DCC: variants seen among roughly 807,000 people sequenced by gnomAD.
DCC encodes the protein netrin receptor DCC.
In DCC, 58 loss-of-function variants were observed where a neutral mutation model predicts 172.5. That is an observed-to-expected ratio of 0.34 (90% CI 0.27 to 0.42). The LOEUF (loss-of-function observed/expected upper bound fraction) is 0.42. Among genes scored for constraint, DCC ranks in the 10% least tolerant of loss-of-function variants. DCC has a pLI of 1.00. For synonymous variants in DCC, 709 were observed against 644.5 expected, an observed-to-expected ratio of 1.10 and a Z score of -1.52; for missense variants, 1,740 against 1,791.0, an observed-to-expected ratio of 0.97 and a Z score of 0.51.
chr18:53,294,495 G>C (rs545795969), intron 12 of DCC, among the ~76,000 whole-genome samples: 1 of 152,178 alleles, frequency 6.6e-6, no homozygotes, highest in Non-Finnish European at 1.5e-5. Flanking sequence ...GGTTCAGAGC[G>C]CTAAATCAGG....
intron 5 of DCC, among the ~76,000 whole-genome samples, chr18:53,017,334 T>A (rs542868581): frequency 6.6e-6 from 1 of 152,160 alleles, no homozygotes; most frequent in African/African-American, 2.4e-5. Flanking sequence ...CCAGTAAAAA[T>A]TAAAATTAAT....
At chr18:52,937,061 A>G (rs1419958420) in intron 5 of DCC, among the ~76,000 whole-genome samples, 1 of 152,138 alleles carries the variant, frequency 6.6e-6, no homozygotes, top group African/African-American at 2.4e-5. Flanking sequence ...CTGGATTACC[A>G]AACAATGCTT....
chr18:53,164,593 G>A (rs2054889401), intron 8 of DCC, among the ~76,000 whole-genome samples: 2 of 152,136 alleles, frequency 1.3e-5, no homozygotes, highest in African/African-American at 2.4e-5. Flanking sequence ...CCAATTACTA[G>A]TGACTTTGTT....
intron 2 of DCC, among the ~76,000 whole-genome samples, chr18:52,798,941 G>A (rs1183934734): frequency 2.6e-5 from 4 of 151,920 alleles, no homozygotes; most frequent in Non-Finnish European, 5.9e-5. Flanking sequence ...TAGAGATGAG[G>A]TTTCACTATG....
At chr18:53,257,002 G>A (rs1387678519) in intron 12 of DCC, among the ~76,000 whole-genome samples, 1 of 152,080 alleles carries the variant, frequency 6.6e-6, no homozygotes, top group African/African-American at 2.4e-5. Context: ...CTCATGATTT[G>A]GCTCTCTGTT....
intron 1 of DCC, among the ~76,000 whole-genome samples, chr18:52,446,485 T>C (rs951324103): frequency 1.3e-5 from 2 of 152,246 alleles, no homozygotes; most frequent in African/African-American, 4.8e-5. Context: ...AGATTTTTCA[T>C]TGACTTTGGC....
At chr18:53,396,733 A>T (rs1397004076) in intron 17 of DCC, among the ~76,000 whole-genome samples, 2 of 152,214 alleles carry the variant, frequency 1.3e-5, no homozygotes, top group African/African-American at 2.4e-5. Flanking sequence ...TAGAACTCTA[A>T]TCAATTAACT....
chr18:53,434,202 A>G (rs553310748), intron 21 of DCC, among the ~76,000 whole-genome samples: 15 of 152,284 alleles, frequency 9.9e-5, no homozygotes, highest in African/African-American at 3.1e-4. Context: ...GGCTTTCTCT[A>G]TGTCATCCAC....
intron 7 of DCC, among the ~76,000 whole-genome samples, chr18:53,071,132 A>G (rs2042645965): frequency 6.6e-6 from 1 of 152,206 alleles, no homozygotes; most frequent in South Asian, 2.1e-4. Context: ...AGTACAGACA[A>G]TGACCTATTT....
intron 5 of DCC, among the ~76,000 whole-genome samples, chr18:53,047,459 ATATAC>A (rs2042268210): frequency 9.6e-6 from 1 of 104,548 alleles, no homozygotes; most frequent in Non-Finnish European, 1.9e-5. Context: ...ATATATATAT[ATATAC>A]CATTTTTGCT....
At chr18:53,285,741 G>A (rs189584632) in intron 12 of DCC, among the ~76,000 whole-genome samples, 11 of 152,160 alleles carry the variant, frequency 7.2e-5, no homozygotes, top group African/African-American at 2.2e-4. Context: ...AGCCACAAAC[G>A]CTCAATGCTG....
chr18:52,595,788 T>C (rs1038623092), intron 1 of DCC, among the ~76,000 whole-genome samples: 3 of 152,184 alleles, frequency 2.0e-5, no homozygotes, highest in Admixed American at 1.3e-4. Context: ...ATTTCTGGGG[T>C]AGATCTCTGA....
intron 1 of DCC, among the ~76,000 whole-genome samples, chr18:52,742,446 T>A (rs2036838116): frequency 6.6e-6 from 1 of 152,222 alleles, no homozygotes; most frequent in Non-Finnish European, 1.5e-5. Flanking sequence ...ATTATTAGGC[T>A]GTTTATTATT....
At chr18:52,642,763 A>G (rs1229241905) in intron 1 of DCC, among the ~76,000 whole-genome samples, 2 of 152,140 alleles carry the variant, frequency 1.3e-5, no homozygotes, top group Non-Finnish European at 2.9e-5. Flanking sequence ...TCCTGGGTTG[A>G]GGCAATCATC....
At chr18:53,362,510 A>C (rs1244327384) in intron 15 of DCC, among the ~76,000 whole-genome samples, 1 of 152,174 alleles carries the variant, frequency 6.6e-6, no homozygotes, top group Non-Finnish European at 1.5e-5. Context: ...AAGGAACATA[A>C]TGGCCACTCA....
At chr18:52,362,881 T>TTTCC (rs936533414) in intron 1 of DCC, among the ~76,000 whole-genome samples, 3 of 152,244 alleles carry the variant, frequency 2.0e-5, no homozygotes, top group African/African-American at 4.8e-5. Context: ...CATTCGTTCA[T>TTTCC]TTCCTTCCTT....
At chr18:53,017,750 T>A (rs1316131105) in intron 5 of DCC, among the ~76,000 whole-genome samples, 1 of 152,208 alleles carries the variant, frequency 6.6e-6, no homozygotes, top group Admixed American at 6.5e-5. Context: ...CTCCTAAAAT[T>A]CATCCATTGC....
At chr18:52,583,186 C>A (rs1322083622) in intron 1 of DCC, among the ~76,000 whole-genome samples, 2 of 152,132 alleles carry the variant, frequency 1.3e-5, no homozygotes, top group Non-Finnish European at 2.9e-5. Flanking sequence ...CTGTTTCGTT[C>A]TCTTTTGCCA....
In DCC at chr18:53,358,293, C is replaced by T. The variant is rs533662572; in HGVS notation, c.2359+18386C>T. Among the ~76,000 whole-genome samples, 3 of 151,858 alleles carry T rather than the reference C, an allele frequency of 2.0e-5. No individual in the cohort carries two copies. The East Asian group carries it at 5.8e-4, about 29-fold the overall frequency. ...AGTTACAGTTTTCTTTTCAAATGTT[C>T]TTGATCATTTAGTTGACATTAATCA... On this transcript the variant is annotated intron_variant, in intron 15 of 28. Transcript: ENST00000442544.
Sources: gnomAD v4.1 joint callset for allele counts (sites outside exome capture counted in the v4.1 genomes callset) on GRCh38, gnomAD v4.1.1 for gene constraint, MANE v1.5 for transcripts, NCBI Gene and HGNC (gene_info 2026-07-23, HGNC 2026-07-21) for gene names.